The following CNTN5 variants were observed in gnomAD, a reference collection of about 807,000 sequenced individuals.
CNTN5 encodes the protein contactin 5, also known as contactin-5.
A neutral mutation model predicts 129.1 loss-of-function variants in CNTN5; 77 were observed. That is an observed-to-expected ratio of 0.60 (90% confidence interval 0.50 to 0.72). The LOEUF (loss-of-function observed/expected upper bound fraction) is 0.72. CNTN5 is among the 30% of genes least tolerant of loss of function. The probability of loss-of-function intolerance (pLI) is 0.00; values close to 1 mark genes in which losing one functional copy is unlikely to be tolerated. For missense variants in CNTN5, 1,478 were observed against 1,328.8 expected (o/e 1.11, Z -1.75); for synonymous variants, 509 against 465.6 (o/e 1.09, Z -1.20).
At chr11:100,349,809 C>A (rs965204512) in intron 23 of CNTN5, among the ~76,000 whole-genome samples, 2 of 151,798 alleles carry the variant, frequency 1.3e-5, no homozygotes, top group South Asian at 4.1e-4. Flanking sequence ...TTTTTGGAGG[C>A]AAGTAATAGT....
chr11:100,050,121 C>G (rs1942876817), intron 9 of CNTN5, among the ~76,000 whole-genome samples: 1 of 152,196 alleles, frequency 6.6e-6, no homozygotes, highest in Non-Finnish European at 1.5e-5. Context: ...CATCCCATTA[C>G]TGGCTATATA....
At chr11:99,277,618 C>G (rs143057489) in intron 1 of CNTN5, among the ~76,000 whole-genome samples, 4 of 151,712 alleles carry the variant, frequency 2.6e-5, no homozygotes, top group Non-Finnish European at 5.9e-5. Flanking sequence ...CCTCTCATTT[C>G]AAATATGTAC....
intron 3 of CNTN5, among the ~76,000 whole-genome samples, chr11:99,716,012 T>A (rs1283275313): frequency 8.8e-6 from 1 of 114,118 alleles, no homozygotes; most frequent in South Asian, 3.9e-4. Flanking sequence ...CTTTCGACTT[T>A]AGTCATCTAA....
At chr11:99,665,062 C>T (rs978333550) in intron 3 of CNTN5, among the ~76,000 whole-genome samples, 10 of 152,114 alleles carry the variant, frequency 6.6e-5, no homozygotes, top group African/African-American at 2.4e-4. Flanking sequence ...TGAAGTGATA[C>T]TTCATTGAAT....
chr11:99,212,825 A>G (rs965152158), intron 1 of CNTN5, among the ~76,000 whole-genome samples: 2 of 152,158 alleles, frequency 1.3e-5, no homozygotes, highest in African/African-American at 4.8e-5. Flanking sequence ...AATATTAACA[A>G]TATTCAAAAA....
intron 1 of CNTN5, among the ~76,000 whole-genome samples, chr11:99,050,848 G>A (rs12222042): frequency 0.091 from 13,863 of 151,760 alleles, 1,163 homozygotes; most frequent in East Asian, 0.23. Context: ...ATCACAGCAT[G>A]TTTTTAACTA....
intron 1 of CNTN5, among the ~76,000 whole-genome samples, chr11:99,261,184 A>G (rs987938307): frequency 1.3e-5 from 2 of 149,130 alleles, no homozygotes; most frequent in Non-Finnish European, 3.0e-5. Context: ...AACACATACA[A>G]TGTCACATAC....
chr11:99,394,648 T>G (rs956285740), intron 2 of CNTN5, among the ~76,000 whole-genome samples: 2 of 151,640 alleles, frequency 1.3e-5, no homozygotes, highest in Non-Finnish European at 3.0e-5. Flanking sequence ...ACCCAGGTAT[T>G]AAGCCTAGCA....
At chr11:99,338,245 C>G (rs1866327043) in intron 2 of CNTN5, among the ~76,000 whole-genome samples, 1 of 152,150 alleles carries the variant, frequency 6.6e-6, no homozygotes, top group Non-Finnish European at 1.5e-5. Context: ...TCTTTCCACC[C>G]AGCCTGGTCA....
At chr11:99,758,601 T>A (rs544309009) in intron 3 of CNTN5, among the ~76,000 whole-genome samples, 1 of 152,174 alleles carries the variant, frequency 6.6e-6, no homozygotes, top group African/African-American at 2.4e-5. Context: ...AATTTAATTA[T>A]AATCTTATGA....
chr11:99,547,430 G>T (rs1948336437), intron 2 of CNTN5, among the ~76,000 whole-genome samples: 1 of 152,168 alleles, frequency 6.6e-6, no homozygotes, highest in Admixed American at 6.5e-5. Context: ...TTAGGTTTCT[G>T]TTTTATAGGA....
intron 1 of CNTN5, among the ~76,000 whole-genome samples, chr11:99,303,087 T>G (rs906551760): frequency 4.6e-5 from 7 of 151,836 alleles, no homozygotes; most frequent in African/African-American, 1.4e-4. Flanking sequence ...ATTCATGTTT[T>G]TGCAGTGACA....
intron 3 of CNTN5, among the ~76,000 whole-genome samples, chr11:99,736,022 TTCTC>T (rs375970022): frequency 5.3e-5 from 8 of 152,106 alleles, no homozygotes; most frequent in East Asian, 1.9e-4. Context: ...TCTCTTTTTT[TTCTC>T]TCTTTCTTTT....
At chr11:100,116,815 A>C (rs1297239391) in intron 13 of CNTN5, among the ~76,000 whole-genome samples, 1 of 152,036 alleles carries the variant, frequency 6.6e-6, no homozygotes, top group African/African-American at 2.4e-5. Flanking sequence ...AAAAAAAGTA[A>C]AATAAAAGAT....
At chr11:99,401,817 C>A (rs1188255309) in intron 2 of CNTN5, among the ~76,000 whole-genome samples, 1 of 151,104 alleles carries the variant, frequency 6.6e-6, no homozygotes, top group Non-Finnish European at 1.5e-5. Flanking sequence ...AACTTAATGC[C>A]TAGATGTTTA....
At chr11:99,051,873 G>A (rs1213349247) in intron 1 of CNTN5, among the ~76,000 whole-genome samples, 2 of 151,872 alleles carry the variant, frequency 1.3e-5, no homozygotes, top group East Asian at 3.9e-4. Flanking sequence ...CATGATAGAA[G>A]TAGTCCCACA....
At chr11:99,333,646 G>A (rs1206225408) in intron 2 of CNTN5, among the ~76,000 whole-genome samples, 1 of 151,902 alleles carries the variant, frequency 6.6e-6, no homozygotes, top group Non-Finnish European at 1.5e-5. Flanking sequence ...AAATCTCTGA[G>A]ATTTTATTTG....
In CNTN5 at chr11:99,964,856, C is replaced by A. The variant is rs576451011; in HGVS notation, c.877+7847C>A. On this transcript the variant is annotated intron_variant, in intron 8 of 24. Coordinates refer to ENST00000524871, the MANE Select transcript of CNTN5 (RefSeq NM_014361.4). ...TTTCAGAGCCTGTTATTGGTCTATT[C>A]AGAGATTCAACTTCTTCCTGGTTTA... Among the ~76,000 whole-genome samples the A allele has an allele frequency of 7.6e-4, 116 of 152,164 alleles. 1 individual carries two copies. The highest frequency in any genetic ancestry group is 1.3e-3 in the Non-Finnish European group (89 of 68,008).
At chr11:100,259,129 A>G (rs1256647023) in intron 17 of CNTN5, among the ~76,000 whole-genome samples, 1 of 152,206 alleles carries the variant, frequency 6.6e-6, no homozygotes, top group Non-Finnish European at 1.5e-5. Context: ...GAGCAAAAAA[A>G]AGCAGGGGTT....
Sources: allele counts gnomAD v4.1 joint callset (sites outside exome capture counted in the v4.1 genomes callset), GRCh38; gene constraint gnomAD v4.1.1; transcripts MANE v1.5; gene names NCBI Gene and HGNC (gene_info 2026-07-23, HGNC 2026-07-21).